OTUB1: variants seen among roughly 807,000 people sequenced by gnomAD.
OTUB1 encodes ubiquitin thioesterase OTUB1.
A neutral mutation model predicts 35.8 loss-of-function variants in OTUB1; 10 were observed. The ratio of observed to expected loss-of-function variants is 0.28; its 90% CI spans 0.17 to 0.47. The LOEUF is 0.47. Among genes scored for constraint, OTUB1 ranks in the 20% least tolerant of loss-of-function variants. The probability of loss-of-function intolerance (pLI) is 0.99; values close to 1 mark genes in which losing one functional copy is unlikely to be tolerated. For missense variants in OTUB1, 264 were observed against 351.6 expected (o/e 0.75, Z 1.99); for synonymous variants, 158 against 143.8 (o/e 1.10, Z -0.71).
At chr11:63,993,476 A>G (rs527577533) in intron 3 of OTUB1, among the ~76,000 whole-genome samples, 6 of 152,154 alleles carry the variant, frequency 3.9e-5, no homozygotes, top group African/African-American at 1.2e-4. Flanking sequence ...AGCCTGGCCA[A>G]CATGGTGAAA....
intron 3 of OTUB1, 41 bp downstream of exon 3, chr11:63,988,793 T>C (rs1942644107): frequency 7.4e-7 from 1 of 1,353,258 alleles, no homozygotes; most frequent in Non-Finnish European, 1.1e-6. Flanking sequence ...ACCCTGGGGG[T>C]GGGGCAGGAG....
At chr11:63,991,038 C>A (rs1324803337) in intron 3 of OTUB1, among the ~76,000 whole-genome samples, 1 of 152,314 alleles carries the variant, frequency 6.6e-6, no homozygotes, top group East Asian at 1.9e-4. Flanking sequence ...TCTACTGAGG[C>A]CCCCTCCTCA....
At chr11:63,988,049 C>T (rs1201525167) in intron 1 of OTUB1, among the ~76,000 whole-genome samples, 4 of 152,058 alleles carry the variant, frequency 2.6e-5, no homozygotes, top group Non-Finnish European at 4.4e-5. Context: ...TTGAGGTGGG[C>T]GGATCACCTG....
Position 63,997,260 on chromosome 11 carries a change from C to T in OTUB1, c.618+16C>T, listed in dbSNP as rs1942730011. 6.2e-7 allele frequency: 1 copy of T among 1,612,136 alleles called. No homozygotes were observed. Among genetic ancestry groups the T allele is most frequent in the Non-Finnish European group, 8.5e-7 (1 of 1,178,444 alleles). On this transcript the variant is annotated intron_variant, in intron 6 of 6. Transcript: ENST00000538426. ...CTGCCAGCAGGTGCCGTCCCCCTCC[C>T]CTTTACTCTCGGCCGGGGGAGTGCA... is the stretch of plus-strand genomic sequence containing the variant.
At position 63,997,510 on chromosome 11, in the gene OTUB1, C is replaced by T. The variant is rs1055065893; in HGVS notation, c.780C>T (p.Leu260=). The change falls in exon 7 of 7, where the codon CTC becomes CTT. Residue 260 remains leucine (L), a synonymous_variant. Transcript: ENST00000538426. ...GCTCCGAGCCCAAGGTCTACCTTCT[C>T]TACCGGCCTGGACACTACGATATCC... ...PEGSEPKVYL[L]YRPGHYDILY... 5.6e-6 allele frequency: 9 copies of T among 1,614,018 alleles called. No homozygotes were observed. Among genetic ancestry groups the T allele is most frequent in the Non-Finnish European group, 6.8e-6 (8 of 1,180,028 alleles).
intron 3 of OTUB1, chr11:63,990,322 C>G (rs922673721): frequency 6.6e-6 from 1 of 152,098 alleles, no homozygotes; most frequent in Non-Finnish European, 1.5e-5. Flanking sequence ...TGAAATGGGG[C>G]CAGGCATGGT....
chr11:63,992,549 C>CT (rs201090841), intron 3 of OTUB1, among the ~76,000 whole-genome samples: 7,753 of 150,226 alleles, frequency 0.052, 602 homozygotes, highest in African/African-American at 0.17. Flanking sequence ...GGTCACTTTT[C>CT]TTTTTTTTTG....
chr11:63,990,606 A>AAT (rs1448030816), intron 3 of OTUB1: 1 of 147,268 alleles, frequency 6.8e-6, no homozygotes, highest in African/African-American at 2.7e-5. Flanking sequence ...AAAAATAAAT[A>AAT]AATAAATAAA....
intron 3 of OTUB1, among the ~76,000 whole-genome samples, chr11:63,995,322 G>A (rs1041258253): frequency 2.6e-5 from 4 of 152,078 alleles, no homozygotes; most frequent in South Asian, 4.1e-4. Flanking sequence ...TCAGCCTCCC[G>A]AGTAGCTGGG....
At chr11:63,988,875 G>T in intron 3 of OTUB1, 123 bp downstream of exon 3, 1 of 666,250 alleles carries the variant, frequency 1.5e-6, no homozygotes, top group Admixed American at 2.4e-5. Flanking sequence ...GACACTTTTC[G>T]TTGCTGGTTC....
intron 3 of OTUB1, among the ~76,000 whole-genome samples, chr11:63,994,668 A>G (rs1942701323): frequency 6.6e-6 from 1 of 152,206 alleles, no homozygotes; most frequent in Non-Finnish European, 1.5e-5. Context: ...GGCAGGAGGA[A>G]GACAAGGAGA....
intron 3 of OTUB1, chr11:63,989,016 G>C: frequency 5.7e-6 from 1 of 174,938 alleles, no homozygotes; most frequent in Non-Finnish European, 1.1e-5. Flanking sequence ...CTTCATCTCA[G>C]AAAAAAAAAA....
chr11:63,996,052 G>A (rs1411748463), intron 3 of OTUB1, among the ~76,000 whole-genome samples: 1 of 152,146 alleles, frequency 6.6e-6, no homozygotes, highest in African/African-American at 2.4e-5. Flanking sequence ...CCCCAGGAGG[G>A]CTGCGGGCAA....
Position 63,988,702 on chromosome 11 carries a change from C to T in OTUB1, c.169C>T (p.Leu57=). 4 of 1,613,342 alleles carry T rather than the reference C, an allele frequency of 2.5e-6. No individual in the cohort carries two copies. Among genetic ancestry groups the T allele is most frequent in the South Asian group, 1.1e-5 (1 of 91,070 alleles). The change falls in exon 3 of 7, where the codon CTA becomes TTA. Residue 57 remains leucine (L), a synonymous_variant. Coordinates refer to ENST00000538426, the MANE Select transcript of OTUB1 (RefSeq NM_017670.3). ...GTCAGAGCGGCTGGAGCTCTCGGTC[C>T]TATACAAGGAGTATGCTGAAGATGA... ...LVSERLELSV[L]YKEYAEDDNI...
intron 3 of OTUB1, among the ~76,000 whole-genome samples, chr11:63,990,962 T>G (rs78259196): frequency 0.013 from 1,956 of 152,292 alleles, 40 homozygotes; most frequent in African/African-American, 0.045. Flanking sequence ...CTAATTCAAA[T>G]TTTAAATGTG....
At chr11:63,986,781 C>CA in intron 1 of OTUB1, 2 of 441,350 alleles carry the variant, frequency 4.5e-6, no homozygotes, top group Non-Finnish European at 8.0e-6. Context: ...CTGGGTCGCT[C>CA]CGCCCTCTGC....
At chr11:63,993,368 C>G (rs569164175) in intron 3 of OTUB1, among the ~76,000 whole-genome samples, 138 of 151,956 alleles carry the variant, frequency 9.1e-4, no homozygotes, top group Non-Finnish European at 1.7e-3. Context: ...CTATTTAAAT[C>G]CTTGAGACTT....
intron 3 of OTUB1, among the ~76,000 whole-genome samples, chr11:63,993,739 G>A (rs1368632865): frequency 6.6e-6 from 1 of 152,040 alleles, no homozygotes; most frequent in Non-Finnish European, 1.5e-5. Flanking sequence ...TAGAGATGAG[G>A]TCTTGTTGTG....
At chr11:63,986,553 G>T (rs1188239706) in intron 1 of OTUB1, 39 bp downstream of exon 1, 1 of 1,511,870 alleles carries the variant, frequency 6.6e-7, no homozygotes, top group Non-Finnish European at 8.9e-7. Context: ...CGGGCTAGTG[G>T]GGGCGATGCC....
Sources: gnomAD v4.1 joint callset for allele counts (sites outside exome capture counted in the v4.1 genomes callset) on GRCh38, gnomAD v4.1.1 for gene constraint, MANE v1.5 for transcripts, NCBI Gene and HGNC (gene_info 2026-07-23, HGNC 2026-07-21) for gene names.